The following ZDHHC14 variants were observed in gnomAD, a reference collection of about 807,000 sequenced individuals.
ZDHHC14 encodes the protein palmitoyltransferase ZDHHC14.
A neutral mutation model predicts 47.7 loss-of-function variants in ZDHHC14; 16 were observed. That is an observed-to-expected ratio of 0.34 (90% confidence interval 0.23 to 0.51). The LOEUF is 0.51. Among genes scored for constraint, ZDHHC14 ranks in the 20% least tolerant of loss-of-function variants. ZDHHC14 has a pLI of 0.97. For synonymous variants in ZDHHC14, 293 were observed against 278.9 expected (o/e 1.05, Z -0.50); for missense variants, 515 against 662.5 (o/e 0.78, Z 2.44).
intron 3 of ZDHHC14, among the ~76,000 whole-genome samples, chr6:157,621,150 A>G (rs374232516): frequency 1.3e-5 from 2 of 152,326 alleles, no homozygotes; most frequent in African/African-American, 4.8e-5. Context: ...AATCATTTAC[A>G]GTCTAAGGAA....
intron 2 of ZDHHC14, among the ~76,000 whole-genome samples, chr6:157,543,592 G>A (rs1781853463): frequency 6.6e-6 from 1 of 152,228 alleles, no homozygotes; most frequent in Non-Finnish European, 1.5e-5. Flanking sequence ...GGACCTCCCT[G>A]TCTACAGTGT....
At position 157,582,324 on chromosome 6, in the gene ZDHHC14, T is replaced by C. The variant is rs1464745357; in HGVS notation, c.407-10664T>C. 6.6e-6 allele frequency among the ~76,000 whole-genome samples: 1 copy of C among 152,360 alleles called. No homozygotes were observed. Among genetic ancestry groups the C allele is most frequent in the Non-Finnish European group, 1.5e-5 (1 of 68,040 alleles). On this transcript the variant is annotated intron_variant, in intron 2 of 8. Transcript: ENST00000359775. The surrounding 1 kb of genome is among the most constrained non-coding windows in gnomAD (Gnocchi z 4.3). ...CAGGCTTGTTTGTGTGGTTGCTTTATAGAGTCACCAGTCTGTGTACTTGAG... is the reference window on the plus strand; with the variant it reads ...CAGGCTTGTTTGTGTGGTTGCTTTACAGAGTCACCAGTCTGTGTACTTGAG...
intron 3 of ZDHHC14, among the ~76,000 whole-genome samples, chr6:157,614,563 TC>T (rs1388357610): frequency 6.6e-6 from 1 of 152,130 alleles, no homozygotes; most frequent in Non-Finnish European, 1.5e-5. Context: ...TGTGTGATGT[TC>T]TTAGAAAAAC....
rs1778989686 is a variant in ZDHHC14 at position 157,677,567 on chromosome 6, G to A, written c.*4445G>A. On this transcript the variant is annotated 3_prime_UTR_variant, in exon 9 of 9. Coordinates refer to ENST00000359775, the MANE Select transcript of ZDHHC14 (RefSeq NM_024630.3). Reference sequence around the variant, plus strand: ...CAGCTGCCACAAAACTAGATAAATAGCCACAACTGGAGTTATTTTTTGATC... The same window carrying A: ...CAGCTGCCACAAAACTAGATAAATAACCACAACTGGAGTTATTTTTTGATC... 6.6e-6 allele frequency: 1 copy of A among 152,064 alleles called. No individual in the cohort carries two copies. Among genetic ancestry groups the A allele is most frequent in the South Asian group, 2.1e-4 (1 of 4,826 alleles). The allele number at this position is 152,064 out of a possible 1,614,324, so 9.4% of individuals were successfully genotyped here.
Position 157,597,134 on chromosome 6 carries a change from AGGCG to A in ZDHHC14, c.565+3992_565+3995del, listed in dbSNP as rs1265436535. 7.2e-5 allele frequency among the ~76,000 whole-genome samples: 11 copies of A among 152,250 alleles called. No individual in the cohort carries two copies. The South Asian group carries it at 1.9e-3, about 26-fold the overall frequency. ...AGCATTTCGGGTTGTTTATTTATCC[AGGCG>A]GGCTTTGAGGTTACGGAATATTTTT... On this transcript the variant is annotated intron_variant, in intron 3 of 8. Transcript: ENST00000359775.
intron 2 of ZDHHC14, among the ~76,000 whole-genome samples, chr6:157,579,808 A>G (rs1350367655): frequency 6.6e-6 from 1 of 152,210 alleles, no homozygotes; most frequent in East Asian, 1.9e-4. Context: ...GGGGTTTTCC[A>G]GATATAGAAT....
Position 157,381,470 on chromosome 6 carries a change from C to T in ZDHHC14, c.-552C>T. The T allele has an allele frequency of 2.9e-6, 1 of 348,282 alleles. No individual in the cohort carries two copies. Among genetic ancestry groups the T allele is most frequent in the Non-Finnish European group, 5.9e-6 (1 of 170,582 alleles). 21.6% of individuals were successfully genotyped at this position (348,282 alleles called of 1,614,324 possible). On this transcript the variant is annotated 5_prime_UTR_variant, in exon 1 of 9. Transcript: ENST00000359775. ...CACCCCTGGGAGGGGTTGCCGGTGC[C>T]GCGCGCGGCCGCCCAGTCGCCAGCG...
chr6:157,593,601 G>A lies in ZDHHC14; in HGVS notation c.565+455G>A, dbSNP rs867175489. On this transcript the variant is annotated intron_variant, in intron 3 of 8. Coordinates refer to ENST00000359775, the MANE Select transcript of ZDHHC14 (RefSeq NM_024630.3). Reference sequence around the variant, plus strand: ...CGGGAGACCTCTCCTCCAGGGGCTGGAGTTAGGATCTGTATTCTTCCCGGA... The same window carrying A: ...CGGGAGACCTCTCCTCCAGGGGCTGAAGTTAGGATCTGTATTCTTCCCGGA... 7.2e-5 allele frequency among the ~76,000 whole-genome samples: 11 copies of A among 152,196 alleles called. No homozygotes were observed. The South Asian group carries it at 1.2e-3, about 17-fold the overall frequency.
At chr6:157,388,890 C>T (rs1220250402) in intron 1 of ZDHHC14, among the ~76,000 whole-genome samples, 1 of 152,182 alleles carries the variant, frequency 6.6e-6, no homozygotes, top group Non-Finnish European at 1.5e-5. Flanking sequence ...TCTCATCTTC[C>T]TGCCCATCCC....
At chr6:157,466,664 G>A (rs1439754657) in intron 1 of ZDHHC14, among the ~76,000 whole-genome samples, 6 of 151,940 alleles carry the variant, frequency 3.9e-5, no homozygotes, top group South Asian at 2.1e-4. Flanking sequence ...ATGGTGAAAC[G>A]CCGTCTCTAC....
At chr6:157,430,344 T>C (rs1199378205) in intron 1 of ZDHHC14, among the ~76,000 whole-genome samples, 1 of 151,270 alleles carries the variant, frequency 6.6e-6, no homozygotes, top group Non-Finnish European at 1.5e-5. Flanking sequence ...CATACATTTA[T>C]TGTATTACAG....
intron 1 of ZDHHC14, among the ~76,000 whole-genome samples, chr6:157,500,496 A>G (rs1039735788): frequency 6.6e-6 from 1 of 152,208 alleles, no homozygotes; most frequent in Non-Finnish European, 1.5e-5. Context: ...AGAAGCTATC[A>G]TAAGATTTCA....
chr6:157,587,648 C>T (rs554409121), intron 2 of ZDHHC14, among the ~76,000 whole-genome samples: 21 of 152,172 alleles, frequency 1.4e-4, no homozygotes, highest in Non-Finnish European at 2.5e-4. Flanking sequence ...TGCCATTGCC[C>T]CGCCCTGCCC....
intron 3 of ZDHHC14, among the ~76,000 whole-genome samples, chr6:157,616,295 G>C (rs768883997): frequency 2.6e-5 from 4 of 152,204 alleles, no homozygotes; most frequent in Non-Finnish European, 5.9e-5. Flanking sequence ...TGTGAGGGAT[G>C]AGGGGGCAGA....
Position 157,653,610 on chromosome 6 carries a change from C to A in ZDHHC14, c.1051C>A (p.Gln351Lys). The A allele has an allele frequency of 6.2e-7, 1 of 1,613,658 alleles. No individual in the cohort carries two copies. The highest frequency in any genetic ancestry group is 8.5e-7 in the Non-Finnish European group (1 of 1,179,938). ...TGGCATCACCATGTACGGGGCCACG[C>A]AGTCACAGAGTGACATGGTAGGAGT... The part of the protein sequence containing the change: ...SNGITMYGAT[Q>K]SQSDMCDQDQ... Residue 351 changes from glutamine (Q) to lysine (K), a missense_variant, in exon 8 of 9, where the codon CAG becomes AAG. This residue lies in a region of ZDHHC14 where 221 missense variants were observed against 233.6 expected (regional missense o/e 0.95). Coordinates refer to ENST00000359775, the MANE Select transcript of ZDHHC14 (RefSeq NM_024630.3).
chr6:157,414,336 C>T (rs1238106671), intron 1 of ZDHHC14, among the ~76,000 whole-genome samples: 1 of 152,182 alleles, frequency 6.6e-6, no homozygotes, highest in Non-Finnish European at 1.5e-5. Context: ...ATGCCGATGG[C>T]CTCTAAGCTT....
intron 5 of ZDHHC14, among the ~76,000 whole-genome samples, chr6:157,643,672 T>A (rs1193642803): frequency 7.6e-6 from 1 of 131,998 alleles, no homozygotes; most frequent in African/African-American, 2.7e-5. Flanking sequence ...TATATATATA[T>A]ATATGCTGTA....
At chr6:157,641,420 A>G (rs2114973901) in intron 5 of ZDHHC14, among the ~76,000 whole-genome samples, 1 of 152,312 alleles carries the variant, frequency 6.6e-6, no homozygotes, top group African/African-American at 2.4e-5. Flanking sequence ...ATGAAAAGAA[A>G]AATATTACAC....
intron 5 of ZDHHC14, among the ~76,000 whole-genome samples, chr6:157,639,168 C>T (rs1777125587): frequency 6.6e-6 from 1 of 152,226 alleles, no homozygotes; most frequent in Non-Finnish European, 1.5e-5. Flanking sequence ...GCTGTGATAG[C>T]TAAACCCCGA....
Sources: allele counts gnomAD v4.1 joint callset (sites outside exome capture counted in the v4.1 genomes callset), GRCh38; gene constraint gnomAD v4.1.1; regional missense constraint gnomAD v4.1.1; non-coding constraint Gnocchi (gnomAD v3.1); transcripts MANE v1.5; gene names NCBI Gene and HGNC (gene_info 2026-07-23, HGNC 2026-07-21).